Variants in DGKZ observed in about 807,000 individuals in gnomAD.
The protein encoded by DGKZ is DAG kinase zeta.
In DGKZ, 45 loss-of-function variants were observed where a neutral mutation model predicts 142.5. The ratio of observed to expected loss-of-function variants is 0.32; its 90% CI spans 0.25 to 0.40. DGKZ has a LOEUF of 0.40. Among genes scored for constraint, DGKZ ranks in the 10% least tolerant of loss-of-function variants. The pLI, the probability that DGKZ is intolerant of heterozygous loss-of-function variation, is 1.00. For synonymous variants in DGKZ, 442 were observed against 527.0 expected (o/e 0.84, Z 2.21); for missense variants, 755 against 1,306.5 (o/e 0.58, Z 6.51).
rs74406600 is a variant in DGKZ, at chr11:46,333,928, C to T, written c.212+441C>T. On this transcript the variant is annotated intron_variant, in intron 1 of 30. Coordinates refer to the DGKZ transcript ENST00000343674. Reference sequence around the variant, plus strand: ...GAAATGACTGAGAGGCTCCCTGCCACCACTGTGGAGACCCTGCTGCCCAGA... The same window carrying T: ...GAAATGACTGAGAGGCTCCCTGCCATCACTGTGGAGACCCTGCTGCCCAGA... Among the ~76,000 whole-genome samples the T allele has an allele frequency of 6.6e-5, 10 of 152,278 alleles. No homozygotes were observed. In the East Asian group the frequency reaches 1.9e-3, roughly 29 times the overall value.
At chr11:46,362,615 C>T (rs1389871964) in intron 1 of DGKZ, among the ~76,000 whole-genome samples, 1 of 152,214 alleles carries the variant, frequency 6.6e-6, no homozygotes, top group Non-Finnish European at 1.5e-5. Context: ...GTGGTGTGAG[C>T]TCCATTTTGC....
Position 46,372,046 on chromosome 11 carries a change from A to G in DGKZ, c.832-29A>G. 2.5e-6 allele frequency: 4 copies of G among 1,584,210 alleles called. No individual in the cohort carries two copies. The highest frequency in any genetic ancestry group is 3.4e-6 in the Non-Finnish European group (4 of 1,162,384). ...TGGTAGGGTGTCCTGGACGGGAAGG[A>G]GCTTACAGCCTCTCACCTTGTCTCC... On this transcript the variant is annotated intron_variant, in intron 9 of 30. Transcript: ENST00000527911. The surrounding 1 kb of genome is among the most constrained non-coding windows in gnomAD (Gnocchi z 5.9).
chr11:46,361,212 C>G (rs1254841458), intron 1 of DGKZ, among the ~76,000 whole-genome samples: 1 of 152,214 alleles, frequency 6.6e-6, no homozygotes, highest in East Asian at 1.9e-4. Context: ...GAAAACCTGT[C>G]CAGTGGGCGT....
Position 46,352,749 on chromosome 11 carries a change from C to T in DGKZ, c.161+4929C>T, listed in dbSNP as rs551477032. ...CACCTGCGGCCAGGTTCTTCCGCTC[C>T]CCGAGTTCCTGGGCCACCCCTGAGC... On this transcript the variant is annotated intron_variant, in intron 1 of 30. Transcript: ENST00000527911. Among the ~76,000 whole-genome samples the T allele has an allele frequency of 1.6e-4, 25 of 152,336 alleles. No homozygotes were observed. In the South Asian group the frequency reaches 3.9e-3, roughly 24 times the overall value.
intron 25 of DGKZ, chr11:46,377,666 A>C: frequency 4.6e-6 from 1 of 219,720 alleles, no homozygotes; most frequent in Non-Finnish European, 9.0e-6. Context: ...TTGGACGTGG[A>C]TTCTCCCCAG....
rs1375602386 is a variant in DGKZ at position 46,347,591 on chromosome 11, C to G, written c.-69C>G. On this transcript the variant is annotated 5_prime_UTR_variant, in exon 1 of 31. Coordinates refer to ENST00000527911, the Ensembl canonical transcript of DGKZ. The surrounding 1 kb of genome is among the most constrained non-coding windows in gnomAD (Gnocchi z 6.4). ...TGGCGGGCGGCGCGGAGCGGGCGTGCTGAGCCCCGGCCGCCGGCCCGGCAT... is the reference window on the plus strand; with the variant it reads ...TGGCGGGCGGCGCGGAGCGGGCGTGGTGAGCCCCGGCCGCCGGCCCGGCAT... 6.1e-6 allele frequency: 7 copies of G among 1,152,764 alleles called. No individual in the cohort carries two copies. Among genetic ancestry groups the G allele is most frequent in the Admixed American group, 9.7e-5 (2 of 20,646 alleles). The allele number at this position is 1,152,764 out of a possible 1,614,324, so 71.4% of individuals were successfully genotyped here.
chr11:46,374,469 C>T lies in DGKZ; in HGVS notation c.1461+15C>T, dbSNP rs761769316. On this transcript the variant is annotated intron_variant, in intron 16 of 30. Coordinates refer to ENST00000527911, the Ensembl canonical transcript of DGKZ. ...TCTACGCCGGGGTGAGTGGGGTCTG[C>T]ACCCCCGCCTGTGCCCACCTCTTCT... is the stretch of plus-strand genomic sequence containing the variant. 2.5e-6 allele frequency: 4 copies of T among 1,613,764 alleles called. No individual in the cohort carries two copies. The highest frequency in any genetic ancestry group is 2.7e-5 in the African/African-American group (2 of 74,938).
At chr11:46,362,612 G>C (rs1462221635) in intron 1 of DGKZ, among the ~76,000 whole-genome samples, 1 of 152,220 alleles carries the variant, frequency 6.6e-6, no homozygotes, top group African/African-American at 2.4e-5. Context: ...CAGGTGGTGT[G>C]AGCTCCATTT....
intron 20 of DGKZ, 38 bp from the exon 21 acceptor site, chr11:46,375,801 ACCAAGGCAGGGC>A: frequency 6.5e-7 from 1 of 1,543,360 alleles, no homozygotes; most frequent in South Asian, 1.2e-5. Flanking sequence ...CGAGGGTGGC[ACCAAGGCAGGGC>A]CCTTGCTGAG....
At chr11:46,333,613 AG>A in intron 1 of DGKZ, 1 of 871,356 alleles carries the variant, frequency 1.1e-6, no homozygotes, top group Non-Finnish European at 1.8e-6. Flanking sequence ...ATGACTGCCG[AG>A]GGATCTCTGT....
chr11:46,355,227 G>GCC (rs1941860450), intron 1 of DGKZ, among the ~76,000 whole-genome samples: 1 of 152,074 alleles, frequency 6.6e-6, no homozygotes, highest in Non-Finnish European at 1.5e-5. Flanking sequence ...TCCTGCCTCA[G>GCC]CCTCCCAAGT....
chr11:46,372,662 C>T lies in DGKZ; in HGVS notation c.1056C>T (p.Cys352=), dbSNP rs201993385. 46 of 1,613,402 alleles carry T rather than the reference C, an allele frequency of 2.9e-5. No homozygotes were observed. The highest frequency in any genetic ancestry group is 4.5e-5 in the East Asian group (2 of 44,872). ...TGCACAACCTGCGGATCCTGGCGTG[C>T]GGGGGCGACGGCACGGTGAGCTCCC... The change falls in exon 12 of 31, where the codon TGC becomes TGT. Residue 352 remains cysteine (C), a synonymous_variant. Coordinates refer to ENST00000527911, the Ensembl canonical transcript of DGKZ. This position sits in a 1 kb window ranked among gnomAD's most constrained non-coding sequence, Gnocchi z 5.9.
intron 1 of DGKZ, among the ~76,000 whole-genome samples, chr11:46,349,434 G>T (rs1176112756): frequency 1.3e-5 from 2 of 152,192 alleles, no homozygotes; most frequent in Admixed American, 1.3e-4. Flanking sequence ...CTTCTGAAGG[G>T]CACAGGTTTG....
intron 5 of DGKZ, 144 bp downstream of exon 5, chr11:46,369,694 G>C (rs901616928): frequency 4.5e-5 from 51 of 1,145,080 alleles, no homozygotes; most frequent in Non-Finnish European, 5.9e-5. Context: ...GCCATGCGGA[G>C]GCCTAACTAG....
intron 4 of DGKZ, 197 bp from the exon 5 acceptor site, chr11:46,369,297 C>T (rs1943682573): frequency 3.0e-6 from 2 of 669,294 alleles, no homozygotes; most frequent in South Asian, 1.7e-5. Context: ...GGAAAGATCC[C>T]TCTGGCTAGT....
At chr11:46,345,245 T>C, upstream of DGKZ, 1 of 1,351,174 alleles carries the variant, frequency 7.4e-7, no homozygotes, top group East Asian at 3.1e-5. This position sits in a 1 kb window ranked among gnomAD's most constrained non-coding sequence, Gnocchi z 4.1. Flanking sequence ...GCCCCTTGCT[T>C]TCTTGTGCAG....
intron 24 of DGKZ, 67 bp downstream of exon 24, chr11:46,376,631 G>T (rs375446297): frequency 1.1e-5 from 17 of 1,591,526 alleles, no homozygotes; most frequent in Non-Finnish European, 1.4e-5. Context: ...CTCCTGGGAC[G>T]CCTTCCCTGT....
At chr11:46,352,993 T>C (rs1941594348) in intron 1 of DGKZ, among the ~76,000 whole-genome samples, 1 of 152,052 alleles carries the variant, frequency 6.6e-6, no homozygotes. Context: ...ACCAGAGACG[T>C]GGTTAGGTCG....
At chr11:46,336,384 G>T (rs140399588) in intron 1 of DGKZ, among the ~76,000 whole-genome samples, 121 of 152,290 alleles carry the variant, frequency 7.9e-4, no homozygotes, top group Non-Finnish European at 1.5e-3. Context: ...CTTCAATGGG[G>T]TATGTCCTTG....
Sources: gnomAD v4.1 joint callset for allele counts (sites outside exome capture counted in the v4.1 genomes callset) on GRCh38, gnomAD v4.1.1 for gene constraint, Gnocchi (gnomAD v3.1) non-coding constraint, MANE v1.5 for transcripts, NCBI Gene and HGNC (gene_info 2026-07-23, HGNC 2026-07-21) for gene names.